Variants in EFCAB14 observed in about 807,000 individuals in gnomAD.
The protein encoded by EFCAB14 is EF-hand calcium-binding domain-containing protein 14.
In EFCAB14, 43 loss-of-function variants were observed where a neutral mutation model predicts 56.5. That is an observed-to-expected ratio of 0.76 (90% CI 0.60 to 0.98). The LOEUF (loss-of-function observed/expected upper bound fraction) is 0.98. Ranked by LOEUF, EFCAB14 falls within the 50% of genes least tolerant of loss-of-function variation. The pLI is 0.00. For missense variants in EFCAB14, 538 were observed against 580.3 expected (o/e 0.93, Z 0.75); for synonymous variants, 235 against 212.9 (o/e 1.10, Z -0.90).
chr1:46,710,934 C>T (rs10158678), intron 2 of EFCAB14, among the ~76,000 whole-genome samples: 57,181 of 152,104 alleles, frequency 0.38, 12,074 homozygotes, highest in East Asian at 0.78. Context: ...CACTTAACAA[C>T]GTCCTTCAGT....
In EFCAB14 at chr1:46,684,482, T is replaced by TG; in HGVS notation, c.1186+8dup. ...CCATGAAATATTAAGAAGCCGGCTC[T>TG]GCTCTCACCTTCATCGGCGGTCTCT... On this transcript the variant is annotated intron_variant, in intron 9 of 10. Coordinates refer to ENST00000371933, the MANE Select transcript of EFCAB14 (RefSeq NM_014774.3). The TG allele has an allele frequency of 1.9e-6, 3 of 1,611,334 alleles. No individual in the cohort carries two copies. Among genetic ancestry groups the TG allele is most frequent in the East Asian group, 4.5e-5 (2 of 44,872 alleles).
chr1:46,712,498 GA>G (rs918464754), intron 2 of EFCAB14, among the ~76,000 whole-genome samples: 3 of 149,110 alleles, frequency 2.0e-5, no homozygotes, highest in Admixed American at 2.0e-4. Context: ...AAAAAAAAAA[GA>G]AAAAAAAAGG....
At chr1:46,683,539 T>G in intron 9 of EFCAB14, 114 bp from the exon 10 acceptor site, 1 of 1,153,934 alleles carries the variant, frequency 8.7e-7, no homozygotes, top group Non-Finnish European at 1.2e-6. Context: ...TAGAGAAACA[T>G]TTGAAGATAA....
Position 46,678,488 on chromosome 1 carries a change from C to T in EFCAB14, c.1461G>A (p.Leu487=). Residue 487 remains leucine, a synonymous_variant, in exon 11 of 11, where the codon CTG becomes CTA. Coordinates refer to ENST00000371933, the MANE Select transcript of EFCAB14 (RefSeq NM_014774.3). The part of the protein sequence containing the change: ...DSDGDGRYSF[L]ELRVALGI Reference sequence around the variant, plus strand: ...AGATACCTAAAGCTACCCTTAGCTCCAGGAATGAGTATCTTCCATCTCCAT... The same window carrying T: ...AGATACCTAAAGCTACCCTTAGCTCTAGGAATGAGTATCTTCCATCTCCAT... 2 of 1,614,068 alleles carry T rather than the reference C, an allele frequency of 1.2e-6. No homozygotes were observed. Among genetic ancestry groups the T allele is most frequent in the South Asian group, 1.1e-5 (1 of 91,082 alleles).
chr1:46,704,051 G>A (rs552119549), intron 3 of EFCAB14, among the ~76,000 whole-genome samples: 1 of 152,152 alleles, frequency 6.6e-6, no homozygotes, highest in South Asian at 2.1e-4. Context: ...ATCTAGGTGA[G>A]ATACATACTT....
At chr1:46,680,663 G>A (rs1231636172) in intron 10 of EFCAB14, among the ~76,000 whole-genome samples, 1 of 152,166 alleles carries the variant, frequency 6.6e-6, no homozygotes, top group Non-Finnish European at 1.5e-5. Flanking sequence ...GGTGATGGTT[G>A]CATGACCTTG....
intron 4 of EFCAB14, among the ~76,000 whole-genome samples, chr1:46,693,799 T>A (rs984514334): frequency 6.6e-6 from 1 of 152,194 alleles, no homozygotes; most frequent in Non-Finnish European, 1.5e-5. Flanking sequence ...GCCTGGTACA[T>A]ACTGGAGGAA....
intron 2 of EFCAB14, among the ~76,000 whole-genome samples, chr1:46,713,608 C>G (rs568493079): frequency 2.0e-5 from 3 of 152,212 alleles, no homozygotes; most frequent in African/African-American, 7.2e-5. Flanking sequence ...AACACAGGTA[C>G]AGAGCAGTCA....
Position 46,717,780 on chromosome 1 carries a change from T to C in EFCAB14, c.185+123A>G, listed in dbSNP as rs1677420575. ...TCTCCCTAAAACCGTTTTTCCCTCT[T>C]TGACTTCCAAGGCCTACACCCTTTT... On this transcript the variant is annotated intron_variant, in intron 1 of 10. Coordinates refer to ENST00000371933, the MANE Select transcript of EFCAB14 (RefSeq NM_014774.3). 6.7e-6 allele frequency: 7 copies of C among 1,050,320 alleles called. No homozygotes were observed. The South Asian group carries it at 1.0e-4, about 15-fold the overall frequency. The allele number at this position is 1,050,320 out of a possible 1,614,324, so 65.1% of individuals were successfully genotyped here.
Position 46,684,515 on chromosome 1 carries a change from T to A in EFCAB14, c.1162A>T (p.Arg388Trp). The change falls in exon 9 of 11, where the codon AGG becomes TGG. Residue 388 changes from arginine (R) to tryptophan (W), a missense_variant. Physicochemically the swap from Arg to Trp is moderately radical, Grantham distance 101. Coordinates refer to ENST00000371933, the MANE Select transcript of EFCAB14 (RefSeq NM_014774.3). ...CCTTCATCGGCGGTCTCTGGAGGCC[T>A]GTTGCTCTCAGGTTTGTTTGTAAGA... Reference protein sequence around the residue: ...SALTNKPESNRPPETADEEQV... With the variant: ...SALTNKPESNWPPETADEEQV... 1 of 1,614,112 alleles carries A rather than the reference T, an allele frequency of 6.2e-7. No individual in the cohort carries two copies. Among genetic ancestry groups the A allele is most frequent in the Non-Finnish European group, 8.5e-7 (1 of 1,179,978 alleles).
At position 46,716,363 on chromosome 1, in the gene EFCAB14, A is replaced by C; in HGVS notation, c.266T>G (p.Val89Gly). 6.2e-7 allele frequency: 1 copy of C among 1,614,038 alleles called. No homozygotes were observed. The change falls in exon 2 of 11, where the codon GTT becomes GGT. Residue 89 changes from valine (V) to glycine (G), a missense_variant. By Grantham distance (109) the Val-to-Gly change is moderately radical. Transcript: ENST00000371933. ...AGCAACCTGCATCCACACCAAGCCAACACAGGCCACAACACAGGCAGCAAG... is the reference window on the plus strand; with the variant it reads ...AGCAACCTGCATCCACACCAAGCCACCACAGGCCACAACACAGGCAGCAAG... Reference protein sequence around the residue: ...VILAACVVACVGLVWMQVALK... With the variant: ...VILAACVVACGGLVWMQVALK...
chr1:46,686,891 C>G, intron 7 of EFCAB14, 21 bp from the exon 8 acceptor site: 1 of 1,608,564 alleles, frequency 6.2e-7, no homozygotes, highest in Non-Finnish European at 8.5e-7. Flanking sequence ...AAAACAAAAA[C>G]AAACAAACAA....
At chr1:46,714,984 T>G (rs1213970185) in intron 2 of EFCAB14, among the ~76,000 whole-genome samples, 1 of 152,240 alleles carries the variant, frequency 6.6e-6, no homozygotes, top group Admixed American at 6.5e-5. Flanking sequence ...ATGGTTGTTG[T>G]AAGCCCTTCA....
chr1:46,684,368 G>A (rs1048182228), intron 9 of EFCAB14, 123 bp downstream of exon 9: 3 of 709,718 alleles, frequency 4.2e-6, no homozygotes, highest in Admixed American at 2.6e-5. Flanking sequence ...GCTTCATCTC[G>A]GTGCGTTCAG....
Position 46,683,965 on chromosome 1 carries a change from C to A in EFCAB14, c.1186+526G>T, listed in dbSNP as rs144365276. Reference sequence around the variant, plus strand: ...ACTTGTGTGGGGGAAAAGGTCAAAGCTAACACAGTCCAGTGCCTTGGTTAT... The same window carrying A: ...ACTTGTGTGGGGGAAAAGGTCAAAGATAACACAGTCCAGTGCCTTGGTTAT... On this transcript the variant is annotated intron_variant, in intron 9 of 10. Coordinates refer to ENST00000371933, the MANE Select transcript of EFCAB14 (RefSeq NM_014774.3). 4.2e-3 allele frequency among the ~76,000 whole-genome samples: 638 copies of A among 152,266 alleles called. 1 individual carries two copies. The highest frequency in any genetic ancestry group is 0.014 in the African/African-American group (586 of 41,546).
chr1:46,679,119 G>T (rs1042040675), intron 10 of EFCAB14, among the ~76,000 whole-genome samples: 1 of 152,218 alleles, frequency 6.6e-6, no homozygotes, highest in Non-Finnish European at 1.5e-5. Flanking sequence ...TCATAAAACA[G>T]ACTGTGGCAT....
At chr1:46,700,956 T>TGAGAGAGAGA (rs72283851) in intron 3 of EFCAB14, among the ~76,000 whole-genome samples, 1 of 135,138 alleles carries the variant, frequency 7.4e-6, no homozygotes, top group Admixed American at 7.9e-5. Flanking sequence ...TATGGGGGCA[T>TGAGAGAGAGA]GAGAGAGAGA....
chr1:46,716,332 C>T lies in EFCAB14; in HGVS notation c.297G>A (p.Lys99=). 2 of 1,612,574 alleles carry T rather than the reference C, an allele frequency of 1.2e-6. No homozygotes were observed. Among genetic ancestry groups the T allele is most frequent in the Non-Finnish European group, 8.5e-7 (1 of 1,179,510 alleles). Residue 99 remains lysine (K), a synonymous_variant, in exon 2 of 11, where the codon AAG becomes AAA. Transcript: ENST00000371933. ...TTTCCTTGAGGGCATCCAGATCCTC[C>T]TTGAGAGCAACCTGCATCCACACCA... ...VGLVWMQVAL[K]EDLDALKEKF... is the part of the protein sequence containing the mutation.
In EFCAB14 at chr1:46,677,025, G is replaced by C. The variant is rs183654957; in HGVS notation, c.*1436C>G. 9.1e-4 allele frequency: 139 copies of C among 152,528 alleles called. No individual in the cohort carries two copies. Among genetic ancestry groups the C allele is most frequent in the Middle Eastern group, 3.4e-3 (1 of 294 alleles). The allele number at this position is 152,528 out of a possible 1,614,324, so 9.4% of individuals were successfully genotyped here. A position where few individuals can be genotyped will look rare whatever the true frequency, so the allele number is the denominator to read the frequency against. On this transcript the variant is annotated 3_prime_UTR_variant, in exon 11 of 11. Transcript: ENST00000371933. ...TCTCCCTGACTTGGCCTATACCAAA[G>C]TTAAGTTTTTGTAGTTTTTTTTTCC...
Sources: gnomAD v4.1 joint callset for allele counts (sites outside exome capture counted in the v4.1 genomes callset) on GRCh38, gnomAD v4.1.1 for gene constraint, MANE v1.5 for transcripts, NCBI Gene and HGNC (gene_info 2026-07-23, HGNC 2026-07-21) for gene names.